Variants in CYP4Z1 observed in about 807,000 individuals in gnomAD.
CYP4Z1 encodes the protein cytochrome P450 4Z1.
In CYP4Z1, 41 loss-of-function variants were observed where a neutral mutation model predicts 54.2. The observed-to-expected ratio is 0.76, with a 90% CI of 0.59 to 0.98. The LOEUF (loss-of-function observed/expected upper bound fraction) is 0.98. Ranked by LOEUF, CYP4Z1 falls within the 50% of genes least tolerant of loss-of-function variation. CYP4Z1 has a pLI of 0.00. For synonymous variants in CYP4Z1, 163 were observed against 206.2 expected (o/e 0.79, Z 1.79); for missense variants, 513 against 599.0 (o/e 0.86, Z 1.50).
At chr1:47,107,842 C>T (rs1211301024) in intron 9 of CYP4Z1, among the ~76,000 whole-genome samples, 1 of 152,076 alleles carries the variant, frequency 6.6e-6, no homozygotes, top group Non-Finnish European at 1.5e-5. Context: ...GTTTCATGTT[C>T]CTTTCACTTT....
In CYP4Z1 at chr1:47,106,210, C is replaced by T. The variant is rs201816403; in HGVS notation, c.1150C>T (p.Arg384Trp). Residue 384 changes from arginine to tryptophan, a missense_variant, in exon 9 of 12, where the codon CGG (arginine) becomes TGG (tryptophan). Physicochemically the swap from Arg to Trp is moderately radical, Grantham distance 101. Coordinates refer to ENST00000334194, the MANE Select transcript of CYP4Z1 (RefSeq NM_178134.3). ...RLYAPVVNISRLLDKPITFPD... is the reference protein window; with the variant it reads ...RLYAPVVNISWLLDKPITFPD... The stretch of plus-strand genomic sequence containing the variant: ...CTACGCACCGGTAGTAAACATATCC[C>T]GGTTACTCGACAAACCCATCACCTT... 1.5e-4 allele frequency: 243 copies of T among 1,613,922 alleles called. No individual in the cohort carries two copies. The highest frequency in any genetic ancestry group is 1.1e-3 in the East Asian group (49 of 44,868).
At chr1:47,058,999 A>T in the CYP4Z1 span, among the ~76,000 whole-genome samples, 2 of 152,190 alleles carry the variant, frequency 1.3e-5, no homozygotes, top group Admixed American at 6.5e-5. Flanking sequence ...TATTTGCCCA[A>T]CTTATAAAAG....
chr1:47,095,140 T>C (rs2148534800), intron 7 of CYP4Z1, among the ~76,000 whole-genome samples: 1 of 152,284 alleles, frequency 6.6e-6, no homozygotes, highest in East Asian at 1.9e-4. Context: ...TCTGTCTTTT[T>C]CCAAGCCCAC....
At chr1:47,098,372 T>C (rs966027730) in intron 7 of CYP4Z1, among the ~76,000 whole-genome samples, 2 of 152,210 alleles carry the variant, frequency 1.3e-5, no homozygotes, top group African/African-American at 4.8e-5. Flanking sequence ...TTTATTCTTT[T>C]GTGGCAGTTG....
intron 8 of CYP4Z1, among the ~76,000 whole-genome samples, chr1:47,104,052 A>C (rs1307893770): frequency 6.6e-6 from 1 of 152,048 alleles, no homozygotes; most frequent in African/African-American, 2.4e-5. Flanking sequence ...TTACATTGGT[A>C]TTTGTGCATC....
At chr1:47,063,447 A>C (rs1644434284), upstream of CYP4Z1, among the ~76,000 whole-genome samples, 1 of 152,130 alleles carries the variant, frequency 6.6e-6, no homozygotes, top group African/African-American at 2.4e-5. Flanking sequence ...CTAATCAAGG[A>C]GGCACCAGAG....
At chr1:47,116,350 T>C (rs1644830052) in intron 10 of CYP4Z1, among the ~76,000 whole-genome samples, 1 of 152,164 alleles carries the variant, frequency 6.6e-6, no homozygotes. Context: ...GAAGGGAAAA[T>C]AATGAAGTCA....
At chr1:47,063,177 A>G (rs900383951), upstream of CYP4Z1, among the ~76,000 whole-genome samples, 1 of 152,136 alleles carries the variant, frequency 6.6e-6, no homozygotes, top group African/African-American at 2.4e-5. Context: ...CCCCACTCCT[A>G]GGGGAAGGGG....
rs368446483 is a variant in CYP4Z1, at chr1:47,086,904, C to A, written c.772+1926C>A. On this transcript the variant is annotated intron_variant, in intron 6 of 11. Transcript: ENST00000334194. ...AAGGAAGGGATCCAGTTTCAGCTTT[C>A]TACATATGGCTAGCCAGTTTTCCCA... 8.6e-3 allele frequency among the ~76,000 whole-genome samples: 1,313 copies of A among 152,270 alleles called. 11 individuals carry two copies. Among genetic ancestry groups the A allele is most frequent in the South Asian group, 0.052 (249 of 4,830 alleles).
At chr1:47,106,632 C>T (rs1644759601) in intron 9 of CYP4Z1, among the ~76,000 whole-genome samples, 1 of 152,152 alleles carries the variant, frequency 6.6e-6, no homozygotes, top group African/African-American at 2.4e-5. Context: ...TTCTCCCTTC[C>T]CTCACGCACA....
rs1425882307 is a variant in CYP4Z1, at chr1:47,084,941, C to A, written c.735C>A (p.Ile245=). ...TCAAATTCAGCTCTCAAGGCCAAAT[C>A]TTTTCTAAATTTAACCAAGAACTTC... The part of the protein sequence containing the change: ...LVFKFSSQGQ[I]FSKFNQELHQ... The change falls in exon 6 of 12, where the codon ATC becomes ATA. Residue 245 remains isoleucine, a synonymous_variant. Transcript: ENST00000334194. 1 of 1,504,764 alleles carries A rather than the reference C, an allele frequency of 6.6e-7. No homozygotes were observed. The highest frequency in any genetic ancestry group is 1.9e-5 in the Admixed American group (1 of 53,836). The allele number at this position is 1,504,764 out of a possible 1,614,324, so 93.2% of individuals were successfully genotyped here. A position where few individuals can be genotyped will look rare whatever the true frequency, so the allele number is the denominator to read the frequency against.
chr1:47,091,613 G>A (rs1270422319), intron 6 of CYP4Z1, among the ~76,000 whole-genome samples: 1 of 149,548 alleles, frequency 6.7e-6, no homozygotes, highest in Non-Finnish European at 1.5e-5. Flanking sequence ...ACATTATTTA[G>A]AGTGACTACT....
intron 11 of CYP4Z1, among the ~76,000 whole-genome samples, chr1:47,117,510 G>A (rs943508396): frequency 3.3e-5 from 5 of 152,082 alleles, no homozygotes; most frequent in East Asian, 1.9e-4. Context: ...CAGCACTTTC[G>A]GAGGCCAAGG....
chr1:47,058,421 A>G, the CYP4Z1 span, among the ~76,000 whole-genome samples: 1 of 152,094 alleles, frequency 6.6e-6, no homozygotes, highest in African/African-American at 2.4e-5. Context: ...CACTTAGGAC[A>G]TCCTCGATCA....
chr1:47,068,747 T>G lies in CYP4Z1; in HGVS notation c.303T>G (p.Ile101Met). Residue 101 changes from isoleucine (I) to methionine (M), a missense_variant, in exon 2 of 12, where the codon ATT becomes ATG. By Grantham distance (10) the Ile-to-Met change is conservative. Transcript: ENST00000334194. ...TCCATGACCCAGACTATGCCAAGAT[T>G]CTCCTGAAAAGACAAGGTAAAAACC... ...FSVHDPDYAK[I>M]LLKRQDPKSA... 1 of 1,613,968 alleles carries G rather than the reference T, an allele frequency of 6.2e-7. No homozygotes were observed. The highest frequency in any genetic ancestry group is 8.5e-7 in the Non-Finnish European group (1 of 1,179,950).
At chr1:47,086,721 G>A (rs1644598059) in intron 6 of CYP4Z1, among the ~76,000 whole-genome samples, 2 of 152,228 alleles carry the variant, frequency 1.3e-5, no homozygotes, top group African/African-American at 2.4e-5. Context: ...GTCAATTTTG[G>A]TTTCTGTTGC....
rs1644640014 is a variant in CYP4Z1 at position 47,091,802 on chromosome 1, T to C, written c.773-2764T>C. ...GTTATGACGATGGTTTGGAAACACG[T>C]GTAAACAATAAGTTCTAACTGCAAC... On this transcript the variant is annotated intron_variant, in intron 6 of 11. Coordinates refer to ENST00000334194, the MANE Select transcript of CYP4Z1 (RefSeq NM_178134.3). 2.0e-5 allele frequency among the ~76,000 whole-genome samples: 3 copies of C among 149,818 alleles called. No homozygotes were observed. The South Asian group carries it at 6.6e-4, about 33-fold the overall frequency.
chr1:47,091,534 C>T (rs1220156499), intron 6 of CYP4Z1, among the ~76,000 whole-genome samples: 1 of 149,140 alleles, frequency 6.7e-6, no homozygotes, highest in Non-Finnish European at 1.5e-5. Context: ...GCTACCTTTC[C>T]TTGCTTAATT....
At chr1:47,087,125 T>C (rs140608484) in intron 6 of CYP4Z1, among the ~76,000 whole-genome samples, 25,509 of 152,114 alleles carry the variant, frequency 0.17, 2,987 homozygotes, top group African/African-American at 0.33. Context: ...AGTCAGGTAG[T>C]GTGATGCTTC....
Sources: gnomAD v4.1 joint callset for allele counts (sites outside exome capture counted in the v4.1 genomes callset) on GRCh38, gnomAD v4.1.1 for gene constraint, MANE v1.5 for transcripts, NCBI Gene and HGNC (gene_info 2026-07-23, HGNC 2026-07-21) for gene names.